Variants in OSBP observed in about 807,000 individuals in gnomAD.
The protein encoded by OSBP is oxysterol binding protein.
A neutral mutation model predicts 96.6 loss-of-function variants in OSBP; 32 were observed. The ratio of observed to expected loss-of-function variants is 0.33; its 90% CI spans 0.25 to 0.45. The LOEUF is 0.45. Among genes scored for constraint, OSBP ranks in the 20% least tolerant of loss-of-function variants. The pLI is 1.00. For synonymous variants in OSBP, 369 were observed against 389.6 expected, an observed-to-expected ratio of 0.95 and a Z score of 0.62; for missense variants, 653 against 1,029.7, an observed-to-expected ratio of 0.63 and a Z score of 5.01.
chr11:59,585,161 G>T (rs887410644), intron 9 of OSBP, among the ~76,000 whole-genome samples: 16 of 151,324 alleles, frequency 1.1e-4, no homozygotes, highest in Admixed American at 9.9e-4. Flanking sequence ...GAGCGTCTCT[G>T]CCCGGCCGCC....
At chr11:59,592,865 A>G (rs1450523402) in intron 9 of OSBP, among the ~76,000 whole-genome samples, 1 of 150,766 alleles carries the variant, frequency 6.6e-6, no homozygotes, top group Non-Finnish European at 1.5e-5. Context: ...GTGCAATCTC[A>G]GCTCACTGAA....
Position 59,615,537 on chromosome 11 carries a change from GA to G in OSBP, c.127del (p.Ser43ProfsTer70). 1 of 1,329,118 alleles carries G rather than the reference GA, an allele frequency of 7.5e-7. No homozygotes were observed. The allele number at this position is 1,329,118 out of a possible 1,614,324, so 82.3% of individuals were successfully genotyped here. A position where few individuals can be genotyped will look rare whatever the true frequency, so the allele number is the denominator to read the frequency against. On this transcript the variant is annotated frameshift_variant, in exon 1 of 14. Coordinates refer to ENST00000263847, the MANE Select transcript of OSBP (RefSeq NM_002556.3). LOFTEE classifies it high-confidence loss of function. ...GACCACCGTCCCTGACGCGGCCCCGGAGCCTGGCCCCGCATCTCCGCGGCCG... is the reference window on the plus strand; with the variant it reads ...GACCACCGTCCCTGACGCGGCCCCGGGCCTGGCCCCGCATCTCCGCGGCCG... Reference protein sequence around the residue: ...GGGRGDAGPGSGAASGTVVAA... With the variant: ...GGGRGDAGPGXGAASGTVVAA...
chr11:59,610,798 A>ATT (rs61595958), intron 1 of OSBP, among the ~76,000 whole-genome samples: 33 of 127,106 alleles, frequency 2.6e-4, no homozygotes, highest in African/African-American at 6.2e-4. Flanking sequence ...TCTGAGTCAG[A>ATT]TTTTTTTTTT....
At chr11:59,615,014 C>T (rs1860903949) in intron 1 of OSBP, among the ~76,000 whole-genome samples, 1 of 152,170 alleles carries the variant, frequency 6.6e-6, no homozygotes, top group African/African-American at 2.4e-5. Flanking sequence ...GGTGGAAATA[C>T]AATGGAAGCA....
Position 59,575,904 on chromosome 11 carries a change from T to C in OSBP, c.*673A>G, listed in dbSNP as rs1429209171. ...GGTCTCCAGTTGCTATTAAAGATGA[T>C]GGAGAACAACAGAGGGGTGTTTGAT... On this transcript the variant is annotated 3_prime_UTR_variant, in exon 14 of 14. Coordinates refer to ENST00000263847, the MANE Select transcript of OSBP (RefSeq NM_002556.3). 6.6e-6 allele frequency: 1 copy of C among 152,186 alleles called. No individual in the cohort carries two copies. The highest frequency in any genetic ancestry group is 1.5e-5 in the Non-Finnish European group (1 of 68,044). 9.4% of individuals were successfully genotyped at this position (152,186 alleles called of 1,614,324 possible).
chr11:59,580,768 C>T (rs1338369389), intron 10 of OSBP, among the ~76,000 whole-genome samples: 2 of 152,130 alleles, frequency 1.3e-5, no homozygotes, highest in Non-Finnish European at 2.9e-5. Flanking sequence ...ATCCTCCCGC[C>T]TTGGCCTCCC....
At chr11:59,586,954 T>C (rs745472053) in intron 9 of OSBP, among the ~76,000 whole-genome samples, 14 of 152,122 alleles carry the variant, frequency 9.2e-5, no homozygotes, top group East Asian at 3.9e-4. Context: ...CTTCACAACA[T>C]TGGGTTTGGC....
chr11:59,576,499 G>C lies in OSBP; in HGVS notation c.*78C>G. On this transcript the variant is annotated 3_prime_UTR_variant, in exon 14 of 14. Transcript: ENST00000263847. Reference sequence around the variant, plus strand: ...AACTTGAGGAAAGCACTTGGTAAGAGAGTCACAACTTCCAGCTTTCCCACA... The same window carrying C: ...AACTTGAGGAAAGCACTTGGTAAGACAGTCACAACTTCCAGCTTTCCCACA... 6.8e-7 allele frequency: 1 copy of C among 1,467,518 alleles called. No individual in the cohort carries two copies. Among genetic ancestry groups the C allele is most frequent in the Non-Finnish European group, 9.3e-7 (1 of 1,080,308 alleles). The allele number at this position is 1,467,518 out of a possible 1,614,324, so 90.9% of individuals were successfully genotyped here.
intron 9 of OSBP, among the ~76,000 whole-genome samples, chr11:59,584,977 G>C (rs190841907): frequency 6.6e-6 from 1 of 152,152 alleles, no homozygotes. Flanking sequence ...GCGTGATCTC[G>C]GCTCGCTACA....
chr11:59,593,952 C>A lies in OSBP; in HGVS notation c.1557+58G>T, dbSNP rs1371446612. ...CAAACATAAGACCCAGGGGATTAAC[C>A]AAAAAATCATCTCTTTCTTCAGAAA... On this transcript the variant is annotated intron_variant, in intron 8 of 13. Coordinates refer to ENST00000263847, the MANE Select transcript of OSBP (RefSeq NM_002556.3). The A allele has an allele frequency of 8.2e-6, 13 of 1,592,974 alleles. 1 individual carries two copies. Among genetic ancestry groups the A allele is most frequent in the African/African-American group, 1.3e-5 (1 of 74,188 alleles).
intron 3 of OSBP, among the ~76,000 whole-genome samples, chr11:59,607,203 C>G (rs577331739): frequency 6.6e-6 from 1 of 152,036 alleles, no homozygotes; most frequent in Non-Finnish European, 1.5e-5. Context: ...AAAAAGTATA[C>G]GTATTTACTA....
At chr11:59,599,583 C>A (rs1483851204) in intron 7 of OSBP, among the ~76,000 whole-genome samples, 3 of 152,128 alleles carry the variant, frequency 2.0e-5, no homozygotes, top group African/African-American at 7.2e-5. Flanking sequence ...ACTGTTTACA[C>A]CATCAACAGT....
intron 3 of OSBP, among the ~76,000 whole-genome samples, chr11:59,604,273 G>A (rs867434787): frequency 1.3e-5 from 2 of 152,104 alleles, no homozygotes; most frequent in African/African-American, 2.4e-5. Context: ...ATTATAAGCT[G>A]GGCATGGTAG....
At chr11:59,598,537 T>C (rs1344399186) in intron 7 of OSBP, among the ~76,000 whole-genome samples, 1 of 152,216 alleles carries the variant, frequency 6.6e-6, no homozygotes, top group Non-Finnish European at 1.5e-5. Flanking sequence ...GCCATATAGC[T>C]AAGTTTTAGC....
At chr11:59,588,320 G>C (rs1404615052) in intron 9 of OSBP, among the ~76,000 whole-genome samples, 2 of 151,736 alleles carry the variant, frequency 1.3e-5, no homozygotes, top group African/African-American at 2.4e-5. Flanking sequence ...GATCACTTGA[G>C]GTCAGGAGTT....
intron 9 of OSBP, among the ~76,000 whole-genome samples, chr11:59,591,852 C>T (rs1249467780): frequency 2.0e-5 from 3 of 152,076 alleles, no homozygotes; most frequent in African/African-American, 4.8e-5. Flanking sequence ...AACTCCTGAC[C>T]TCAGGTGATC....
chr11:59,600,437 C>T, intron 7 of OSBP, 59 bp downstream of exon 7: 1 of 1,591,608 alleles, frequency 6.3e-7, no homozygotes, highest in Non-Finnish European at 8.6e-7. Flanking sequence ...TATCAGCACT[C>T]TTCCCACTGA....
At chr11:59,609,902 A>G (rs1221084508) in intron 2 of OSBP, among the ~76,000 whole-genome samples, 3 of 152,230 alleles carry the variant, frequency 2.0e-5, no homozygotes, top group Non-Finnish European at 4.4e-5. Context: ...ATCAGGAGAA[A>G]AAGCACGAAT....
chr11:59,596,420 T>TCA (rs1235800008), intron 7 of OSBP, among the ~76,000 whole-genome samples: 4 of 152,034 alleles, frequency 2.6e-5, no homozygotes, highest in Admixed American at 2.0e-4. Flanking sequence ...TCACTGCTTT[T>TCA]CACACACACA....
Sources: gnomAD v4.1 joint callset for allele counts (sites outside exome capture counted in the v4.1 genomes callset) on GRCh38, gnomAD v4.1.1 for gene constraint, MANE v1.5 for transcripts, NCBI Gene and HGNC (gene_info 2026-07-23, HGNC 2026-07-21) for gene names.